Variants in TMEM114 observed in about 807,000 individuals in gnomAD.
TMEM114 encodes claudin-26.
In TMEM114, 6 loss-of-function variants were observed where a neutral mutation model predicts 6.2. That is an observed-to-expected ratio of 0.97 (90% CI 0.53 to 1.91). The LOEUF (loss-of-function observed/expected upper bound fraction) is 1.91. Among genes scored for constraint, TMEM114 ranks in the 40% most tolerant of loss-of-function variants. TMEM114 has a pLI of 0.01. For synonymous variants in TMEM114, 104 were observed against 73.0 expected (o/e 1.42, Z -2.16); for missense variants, 218 against 158.3 (o/e 1.38, Z -2.02).
chr16:8,578,449 A>G lies in TMEM114; in HGVS notation c.302-6225T>C, dbSNP rs1334558318. Reference sequence around the variant, plus strand: ...CACCTTCTCCCCTTCTCATAAGGACATTTGTCATAGGATTTAGGGCCCACC... The same window carrying G: ...CACCTTCTCCCCTTCTCATAAGGACGTTTGTCATAGGATTTAGGGCCCACC... On this transcript the variant is annotated intron_variant, in intron 2 of 3. Transcript: ENST00000620492. Among the ~76,000 whole-genome samples, 3 of 152,168 alleles carry G rather than the reference A, an allele frequency of 2.0e-5. No homozygotes were observed. In the East Asian group the frequency reaches 5.8e-4, roughly 29 times the overall value.
At chr16:8,561,887 AGTG>A (rs1901225148) in intron 2 of TMEM114, among the ~76,000 whole-genome samples, 5 of 142,896 alleles carry the variant, frequency 3.5e-5, no homozygotes, top group African/African-American at 9.8e-5. Context: ...TGAATGAGTG[AGTG>A]AATGAGTAAA....
intron 2 of TMEM114, among the ~76,000 whole-genome samples, chr16:8,542,165 G>C (rs1777613739): frequency 6.6e-6 from 1 of 151,856 alleles, no homozygotes; most frequent in Non-Finnish European, 1.5e-5. Flanking sequence ...CTTGACCAAG[G>C]AGGATGTGAA....
intron 2 of TMEM114, among the ~76,000 whole-genome samples, chr16:8,574,308 T>C (rs532686397): frequency 6.6e-6 from 1 of 152,290 alleles, no homozygotes; most frequent in Non-Finnish European, 1.5e-5. Flanking sequence ...CGGGGCAATG[T>C]AGTAAGATGT....
At chr16:8,528,892 G>C in the TMEM114 span, among the ~76,000 whole-genome samples, 2 of 152,144 alleles carry the variant, frequency 1.3e-5, no homozygotes, top group Non-Finnish European at 2.9e-5. Context: ...GGGATATTTT[G>C]CCTCTGGTCA....
chr16:8,588,850 A>G (rs959516278), intron 2 of TMEM114, among the ~76,000 whole-genome samples: 2 of 152,218 alleles, frequency 1.3e-5, no homozygotes, highest in Non-Finnish European at 2.9e-5. Context: ...AGGTCCCTGC[A>G]GGGGCTTCCC....
chr16:8,574,011 A>G (rs1195239491), intron 2 of TMEM114, among the ~76,000 whole-genome samples: 1 of 152,226 alleles, frequency 6.6e-6, no homozygotes, highest in African/African-American at 2.4e-5. Context: ...GAGTGAGTGA[A>G]TGAGTGAATT....
chr16:8,529,414 G>C, the TMEM114 span, among the ~76,000 whole-genome samples: 1 of 152,222 alleles, frequency 6.6e-6, no homozygotes, highest in East Asian at 1.9e-4. Flanking sequence ...AAGCAGCAAA[G>C]TGGCAGCTGG....
intron 2 of TMEM114, among the ~76,000 whole-genome samples, chr16:8,561,680 A>C (rs1202964266): frequency 6.6e-6 from 1 of 152,246 alleles, no homozygotes. Context: ...TGAATAAATG[A>C]ATGAGTGAGC....
At chr16:8,571,985 C>A in intron 3 of TMEM114, 102 bp downstream of exon 3, 1 of 1,361,516 alleles carries the variant, frequency 7.3e-7, no homozygotes, top group South Asian at 1.6e-5. Flanking sequence ...CTGAACCCCA[C>A]GAGGCCCTGG....
chr16:8,528,940 T>C, the TMEM114 span, among the ~76,000 whole-genome samples: 4 of 152,158 alleles, frequency 2.6e-5, no homozygotes, highest in African/African-American at 9.7e-5. Flanking sequence ...TCCTGGAAAA[T>C]GGCTGCTGCA....
chr16:8,565,809 G>C (rs1352565160), downstream of TMEM114, among the ~76,000 whole-genome samples: 1 of 152,174 alleles, frequency 6.6e-6, no homozygotes, highest in East Asian at 1.9e-4. Flanking sequence ...GTCCGCCCTC[G>C]AGGGTCTGAT....
At chr16:8,578,394 C>G (rs1016684400) in intron 2 of TMEM114, among the ~76,000 whole-genome samples, 1 of 151,916 alleles carries the variant, frequency 6.6e-6, no homozygotes, top group Non-Finnish European at 1.5e-5. Flanking sequence ...GGCTATGTCA[C>G]TCCAATCCCT....
chr16:8,537,383 C>T (rs1303516460), downstream of TMEM114, among the ~76,000 whole-genome samples: 1 of 152,150 alleles, frequency 6.6e-6, no homozygotes, highest in African/African-American at 2.4e-5. Context: ...CGCCTGTAGT[C>T]CCAGCTACTT....
At chr16:8,527,223 A>C in the TMEM114 span, among the ~76,000 whole-genome samples, 2 of 152,204 alleles carry the variant, frequency 1.3e-5, no homozygotes, top group Non-Finnish European at 2.9e-5. Flanking sequence ...TTAATAAATA[A>C]ATAAATAACT....
At chr16:8,562,287 AGTGAG>A (rs1901264257) in intron 2 of TMEM114, among the ~76,000 whole-genome samples, 1 of 150,944 alleles carries the variant, frequency 6.6e-6, no homozygotes, top group Non-Finnish European at 1.5e-5. Context: ...TGAGTGAGTG[AGTGAG>A]TGAATGAGTG....
downstream of TMEM114, among the ~76,000 whole-genome samples, chr16:8,535,254 T>C (rs1900321246): frequency 6.6e-6 from 1 of 152,196 alleles, no homozygotes; most frequent in Non-Finnish European, 1.5e-5. Context: ...TCTATATAAA[T>C]ATAAGGTGTT....
intron 2 of TMEM114, among the ~76,000 whole-genome samples, chr16:8,538,802 G>A (rs1001857207): frequency 9.9e-5 from 15 of 152,260 alleles, no homozygotes; most frequent in African/African-American, 2.6e-4. Context: ...CACCGCGCCC[G>A]CCCGGCCGTG....
chr16:8,553,417 G>T (rs552702763), intron 2 of TMEM114, among the ~76,000 whole-genome samples: 177 of 152,222 alleles, frequency 1.2e-3, no homozygotes, highest in African/African-American at 4.1e-3. Context: ...TTTTTGGGGG[G>T]ACTGAGTCTC....
At chr16:8,548,155 C>T (rs561202425) in intron 2 of TMEM114, among the ~76,000 whole-genome samples, 3 of 152,302 alleles carry the variant, frequency 2.0e-5, no homozygotes, top group Admixed American at 2.0e-4. Context: ...TGAATCTAAG[C>T]TCCCGCCCCT....
Sources: gnomAD v4.1 joint callset for allele counts (sites outside exome capture counted in the v4.1 genomes callset) on GRCh38, gnomAD v4.1.1 for gene constraint, MANE v1.5 for transcripts, NCBI Gene and HGNC (gene_info 2026-07-23, HGNC 2026-07-21) for gene names.